Variants in LYN observed in about 807,000 individuals in gnomAD.
LYN encodes the protein LYN proto-oncogene, Src family tyrosine kinase, also known as tyrosine-protein kinase Lyn.
Under a neutral mutation model 65.0 loss-of-function variants are expected in LYN, and 12 were observed. The ratio of observed to expected loss-of-function variants is 0.18; its 90% CI spans 0.12 to 0.30. LYN has a LOEUF of 0.30. Among genes scored for constraint, LYN ranks in the 10% least tolerant of loss-of-function variants. LYN has a pLI of 1.00. For missense variants in LYN, 380 were observed against 623.2 expected, an observed-to-expected ratio of 0.61 and a Z score of 4.16; for synonymous variants, 222 against 221.2, an observed-to-expected ratio of 1.00 and a Z score of -0.03.
chr8:56,001,025 A>T (rs546137907), intron 12 of LYN, among the ~76,000 whole-genome samples: 1 of 151,816 alleles, frequency 6.6e-6, no homozygotes, highest in Non-Finnish European at 1.5e-5. Flanking sequence ...GCCTGCGTGG[A>T]GTGGCTTAGG....
chr8:55,963,620 G>A (rs766830755), intron 8 of LYN, among the ~76,000 whole-genome samples: 2 of 152,174 alleles, frequency 1.3e-5, no homozygotes, highest in Non-Finnish European at 2.9e-5. Context: ...TGCTGAGCTC[G>A]GCAGTGGTTT....
At chr8:56,004,452 C>T (rs1808621527) in intron 12 of LYN, among the ~76,000 whole-genome samples, 2 of 151,544 alleles carry the variant, frequency 1.3e-5, no homozygotes, top group South Asian at 2.1e-4. Flanking sequence ...CACCACAATG[C>T]CCAGCTAATT....
At position 55,890,117 on chromosome 8, in the gene LYN, CA is replaced by C. The variant is rs34706733; in HGVS notation, c.-6+10035del. Among the ~76,000 whole-genome samples, 235 of 79,078 alleles carry C rather than the reference CA, an allele frequency of 3.0e-3. 1 individual carries two copies. The highest frequency in any genetic ancestry group is 7.6e-3 in the African/African-American group (139 of 18,250). 51.9% of individuals were successfully genotyped at this position (79,078 alleles called of 152,430 possible). On this transcript the variant is annotated intron_variant, in intron 1 of 12. Coordinates refer to ENST00000519728, the MANE Select transcript of LYN (RefSeq NM_002350.4). ...TAAAGTGAGAACCTGCCTCTATAGA[CA>C]AAAAAAAAAAAAAAAAAAAAGAATA...
chr8:55,978,187 G>A lies in LYN; in HGVS notation c.1050+8394G>A, dbSNP rs143368606. 1.4e-3 allele frequency among the ~76,000 whole-genome samples: 219 copies of A among 152,292 alleles called. 2 individuals carry two copies. Among genetic ancestry groups the A allele is most frequent in the African/African-American group, 4.9e-3 (202 of 41,556 alleles). On this transcript the variant is annotated intron_variant, in intron 10 of 12. Transcript: ENST00000519728. ...GAGGTGGGTTGCCTGGGGATAATGG[G>A]GATCGACTGAGCATTTCAGCAGGAA...
chr8:55,909,044 CACACA>C lies in LYN; in HGVS notation c.-6+28942_-6+28946del, dbSNP rs1563504965. On this transcript the variant is annotated intron_variant, in intron 1 of 12. Transcript: ENST00000519728. ...ACACACACACACACACACACACACA[CACACA>C]CACCCCACATTTTCTTTACTTTTAT... Among the ~76,000 whole-genome samples, 24 of 73,732 alleles carry C rather than the reference CACACA, an allele frequency of 3.3e-4. No individual in the cohort carries two copies. The East Asian group carries it at 3.4e-3, about 10-fold the overall frequency. 48.4% of individuals were successfully genotyped at this position (73,732 alleles called of 152,430 possible).
At chr8:56,006,684 GC>G (rs1808681487) in intron 12 of LYN, among the ~76,000 whole-genome samples, 1 of 152,182 alleles carries the variant, frequency 6.6e-6, no homozygotes, top group Admixed American at 6.5e-5. Context: ...AGAGCTCAGT[GC>G]TAGTTCATGA....
chr8:55,995,263 G>T (rs1362356573), intron 10 of LYN, among the ~76,000 whole-genome samples: 2 of 152,118 alleles, frequency 1.3e-5, no homozygotes, highest in Admixed American at 1.3e-4. Context: ...TATCACCACT[G>T]CCCACCTTCT....
rs574135039 is a variant in LYN, at chr8:56,004,086, C to A, written c.1336+4537C>A. On this transcript the variant is annotated intron_variant, in intron 12 of 12. Coordinates refer to ENST00000519728, the MANE Select transcript of LYN (RefSeq NM_002350.4). The stretch of plus-strand genomic sequence containing the variant: ...TAGCTGGGATTACAGGCATGTGCCA[C>A]CATGCCCAGCTAATTTTGTATTTTT... Among the ~76,000 whole-genome samples, 5 of 151,648 alleles carry A rather than the reference C, an allele frequency of 3.3e-5. No individual in the cohort carries two copies. In the East Asian group the frequency reaches 9.7e-4, roughly 29 times the overall value.
chr8:55,930,744 A>G (rs1292876831), intron 1 of LYN, among the ~76,000 whole-genome samples: 1 of 152,176 alleles, frequency 6.6e-6, no homozygotes, highest in Non-Finnish European at 1.5e-5. Flanking sequence ...TGGGGGACCA[A>G]GACCTGGTCT....
rs1338634311 is a variant in LYN at position 55,929,006 on chromosome 8, C to A, written c.-5-12849C>A. Among the ~76,000 whole-genome samples the A allele has an allele frequency of 2.0e-5, 3 of 152,136 alleles. No individual in the cohort carries two copies. In the East Asian group the frequency reaches 5.8e-4, roughly 29 times the overall value. Reference sequence around the variant, plus strand: ...ATTTACATACTTATTTATTTACTTACATGTGGATATACAGTTGTTCCAGTA... The same window carrying A: ...ATTTACATACTTATTTATTTACTTAAATGTGGATATACAGTTGTTCCAGTA... On this transcript the variant is annotated intron_variant, in intron 1 of 12. Coordinates refer to ENST00000519728, the MANE Select transcript of LYN (RefSeq NM_002350.4).
intron 10 of LYN, among the ~76,000 whole-genome samples, chr8:55,973,707 T>C (rs1354271335): frequency 6.6e-6 from 1 of 152,218 alleles, no homozygotes; most frequent in Non-Finnish European, 1.5e-5. Flanking sequence ...AAGCATTTAT[T>C]ACTCTTTGGT....
At chr8:56,006,394 G>C (rs1808675058) in intron 12 of LYN, among the ~76,000 whole-genome samples, 1 of 152,144 alleles carries the variant, frequency 6.6e-6, no homozygotes, top group Non-Finnish European at 1.5e-5. Flanking sequence ...AGCTCTTCCT[G>C]ATACACATAC....
intron 1 of LYN, among the ~76,000 whole-genome samples, chr8:55,925,379 T>C (rs765511296): frequency 5.3e-5 from 8 of 152,158 alleles, no homozygotes; most frequent in Non-Finnish European, 8.8e-5. Flanking sequence ...CCGCCTCACC[T>C]CTGAAAGTGC....
intron 3 of LYN, 73 bp downstream of exon 3, chr8:55,946,566 A>C: frequency 1.0e-6 from 1 of 966,490 alleles, no homozygotes. Flanking sequence ...GATTGTCCTA[A>C]ATGTTTTTAT....
chr8:56,002,317 G>T (rs1808536077), intron 12 of LYN, among the ~76,000 whole-genome samples: 1 of 152,110 alleles, frequency 6.6e-6, no homozygotes, highest in Non-Finnish European at 1.5e-5. Context: ...TACTCGGGAG[G>T]CTGGGGCAGG....
chr8:55,893,909 T>C (rs1805021413), intron 1 of LYN: 1 of 152,262 alleles, frequency 6.6e-6, no homozygotes, highest in South Asian at 2.1e-4. Flanking sequence ...TGGGCTGAAG[T>C]GATCCTCCTG....
chr8:55,965,409 G>A (rs1355684668), intron 8 of LYN, among the ~76,000 whole-genome samples: 3 of 152,078 alleles, frequency 2.0e-5, no homozygotes, highest in South Asian at 2.1e-4. Flanking sequence ...TTTTAGTGGG[G>A]GATCCTTTTT....
rs55703704 is a variant in LYN, at chr8:56,011,586, C to T, written c.*1476C>T. On this transcript the variant is annotated 3_prime_UTR_variant, in exon 13 of 13. Transcript: ENST00000519728. ...CACCTGAACATCCGTTTATGGGGGC[C>T]AGATAGAATTTGTTTTCAAATAGGC... The T allele has an allele frequency of 0.058, 11,048 of 189,784 alleles. 1,189 individuals are homozygous for T. Among genetic ancestry groups the T allele is most frequent in the African/African-American group, 0.23 (9,843 of 42,954 alleles). 11.8% of individuals were successfully genotyped at this position (189,784 alleles called of 1,614,324 possible).
intron 2 of LYN, among the ~76,000 whole-genome samples, chr8:55,943,591 A>AG (rs1386648855): frequency 1.9e-4 from 29 of 151,576 alleles, no homozygotes; most frequent in Admixed American, 1.7e-3. Flanking sequence ...AAAAAAAAAA[A>AG]AAAGGCATTT....
Sources: allele counts gnomAD v4.1 joint callset (sites outside exome capture counted in the v4.1 genomes callset), GRCh38; gene constraint gnomAD v4.1.1; transcripts MANE v1.5; gene names NCBI Gene and HGNC (gene_info 2026-07-23, HGNC 2026-07-21).